GLIS1: variants seen among roughly 807,000 people sequenced by gnomAD.
The protein encoded by GLIS1 is zinc finger protein GLIS1.
In GLIS1, 24 loss-of-function variants were observed where a neutral mutation model predicts 63.8. That is an observed-to-expected ratio of 0.38 (90% CI 0.27 to 0.53). The LOEUF is 0.53. GLIS1 is among the 20% of genes least tolerant of loss of function. The pLI is 0.85. For missense variants in GLIS1, 1,036 were observed against 1,074.1 expected, an observed-to-expected ratio of 0.96 and a Z score of 0.50; for synonymous variants, 450 against 482.5, an observed-to-expected ratio of 0.93 and a Z score of 0.88.
chr1:53,555,061 T>C (rs1168988079), intron 4 of GLIS1, among the ~76,000 whole-genome samples: 1 of 152,294 alleles, frequency 6.6e-6, no homozygotes, highest in African/African-American at 2.4e-5. Flanking sequence ...GGGACTGGCA[T>C]GTTTCAGAAA....
chr1:53,634,379 C>T (rs772785823), intron 2 of GLIS1, among the ~76,000 whole-genome samples: 8 of 152,072 alleles, frequency 5.3e-5, no homozygotes, highest in Non-Finnish European at 1.0e-4. Context: ...ACCCTGAGCT[C>T]GCCAATGTTT....
chr1:53,724,614 G>A (rs1646787520), intron 2 of GLIS1, among the ~76,000 whole-genome samples: 1 of 152,014 alleles, frequency 6.6e-6, no homozygotes. Flanking sequence ...TGAACTCCTG[G>A]GCTCAAGTGA....
At chr1:53,688,164 G>C (rs569496536) in intron 2 of GLIS1, among the ~76,000 whole-genome samples, 44 of 152,364 alleles carry the variant, frequency 2.9e-4, no homozygotes, top group Admixed American at 1.3e-3. Context: ...CCTGATTCAA[G>C]AAGAGCACCT....
intron 2 of GLIS1, among the ~76,000 whole-genome samples, chr1:53,663,991 A>C (rs111281344): frequency 0.02 from 3,032 of 152,194 alleles, 73 homozygotes; most frequent in African/African-American, 0.068. Context: ...TCCCCTCCTG[A>C]CTGCTCTTGC....
chr1:53,526,643 G>A lies in GLIS1; in HGVS notation c.1483-1756C>T, dbSNP rs532258945. 2.0e-5 allele frequency among the ~76,000 whole-genome samples: 3 copies of A among 152,152 alleles called. No individual in the cohort carries two copies. The highest frequency in any genetic ancestry group is 1.9e-4 in the East Asian group (1 of 5,184). Reference sequence around the variant, plus strand: ...TTCACATGTGCCCAGGCACACACACGGCCCTGCCCTGTCCCTGAGCCGGCC... The same window carrying A: ...TTCACATGTGCCCAGGCACACACACAGCCCTGCCCTGTCCCTGAGCCGGCC... On this transcript the variant is annotated intron_variant, in intron 5 of 10. Transcript: ENST00000628545. This position sits in a 1 kb window ranked among gnomAD's most constrained non-coding sequence, Gnocchi z 4.4.
At chr1:53,512,483 A>G (rs1050597494) in intron 8 of GLIS1, among the ~76,000 whole-genome samples, 1 of 152,154 alleles carries the variant, frequency 6.6e-6, no homozygotes, top group Non-Finnish European at 1.5e-5. Context: ...CAAGCTATTT[A>G]AACGTCCCAG....
intron 3 of GLIS1, 114 bp from the exon 4 acceptor site, chr1:53,595,104 G>C (rs893177522): frequency 3.3e-6 from 3 of 899,830 alleles, no homozygotes; most frequent in Non-Finnish European, 1.5e-6. Flanking sequence ...CCCAGGGCAG[G>C]AGGCAGAGGC....
chr1:53,590,265 C>T (rs866851047), intron 4 of GLIS1, among the ~76,000 whole-genome samples: 1 of 152,132 alleles, frequency 6.6e-6, no homozygotes, highest in Non-Finnish European at 1.5e-5. Context: ...GTCACCAGCA[C>T]GAGGTCACAC....
At chr1:53,675,408 C>T (rs561552901) in intron 2 of GLIS1, among the ~76,000 whole-genome samples, 20 of 152,174 alleles carry the variant, frequency 1.3e-4, no homozygotes, top group Non-Finnish European at 2.9e-4. Context: ...GTGCTCTGCT[C>T]GTGCCCTTGC....
At chr1:53,638,216 C>G (rs997360715) in intron 2 of GLIS1, among the ~76,000 whole-genome samples, 5 of 152,182 alleles carry the variant, frequency 3.3e-5, no homozygotes. Flanking sequence ...GAGAAGGCAC[C>G]TCGGGGAAAG....
Position 53,668,484 on chromosome 1 carries a change from C to T in GLIS1, c.260-68206G>A, listed in dbSNP as rs145753860. Among the ~76,000 whole-genome samples the T allele has an allele frequency of 9.2e-3, 1,399 of 152,296 alleles. 15 individuals carry two copies. The highest frequency in any genetic ancestry group is 0.032 in the African/African-American group (1,345 of 41,554). The stretch of plus-strand genomic sequence containing the variant: ...TCAAGCAATTCTCCTGTCTCACCCT[C>T]CCATGTGGCTGAGACTATAGGTGCA... On this transcript the variant is annotated intron_variant, in intron 2 of 10. Transcript: ENST00000628545.
rs1399015996 is a variant in GLIS1 at position 53,539,691 on chromosome 1, C to T, written c.1321-9739G>A. On this transcript the variant is annotated intron_variant, in intron 4 of 10. Transcript: ENST00000628545. The surrounding 1 kb of genome is among the most constrained non-coding windows in gnomAD (Gnocchi z 5.0). ...CCCAGACCTGCCACATTCACAAACA[C>T]ACTAACCCCCACCCACCAGCCACAC... 6.6e-6 allele frequency among the ~76,000 whole-genome samples: 1 copy of T among 152,154 alleles called. No homozygotes were observed. Among genetic ancestry groups the T allele is most frequent in the African/African-American group, 2.4e-5 (1 of 41,412 alleles).
At chr1:53,738,194 C>G (rs973929703) in intron 1 of GLIS1, 88 bp from the exon 2 acceptor site, 1 of 754,830 alleles carries the variant, frequency 1.3e-6, no homozygotes, top group African/African-American at 1.8e-5. Context: ...GTCACTGCCC[C>G]TTCGGTGGAT....
chr1:53,716,286 G>A (rs1410247313), intron 2 of GLIS1, among the ~76,000 whole-genome samples: 1 of 152,276 alleles, frequency 6.6e-6, no homozygotes, highest in East Asian at 1.9e-4. Context: ...AACAACAGGG[G>A]GAGAGGGAGG....
At chr1:53,592,653 C>T (rs575623001) in intron 4 of GLIS1, among the ~76,000 whole-genome samples, 2 of 152,330 alleles carry the variant, frequency 1.3e-5, no homozygotes, top group East Asian at 3.9e-4. Context: ...ACCAGGCCTC[C>T]TTCCAGCATC....
At chr1:53,659,377 C>T (rs1464949415) in intron 2 of GLIS1, among the ~76,000 whole-genome samples, 1 of 152,146 alleles carries the variant, frequency 6.6e-6, no homozygotes, top group East Asian at 1.9e-4. Flanking sequence ...GTGAGATGCC[C>T]ATCACTAGTT....
intron 2 of GLIS1, among the ~76,000 whole-genome samples, chr1:53,688,308 A>T (rs1228421966): frequency 6.6e-6 from 1 of 152,208 alleles, no homozygotes; most frequent in Non-Finnish European, 1.5e-5. Context: ...TAGTCCCTAC[A>T]AAATGTGCTC....
chr1:53,554,748 C>G (rs1442484168), intron 4 of GLIS1, among the ~76,000 whole-genome samples: 1 of 152,210 alleles, frequency 6.6e-6, no homozygotes, highest in Non-Finnish European at 1.5e-5. Flanking sequence ...ATTGGGCCCC[C>G]ACAGCCGGGT....
intron 2 of GLIS1, among the ~76,000 whole-genome samples, chr1:53,681,434 G>A (rs1646273642): frequency 6.6e-6 from 1 of 152,248 alleles, no homozygotes; most frequent in South Asian, 2.1e-4. Context: ...AAGTAGGGAG[G>A]GATATACTGG....
Sources: gnomAD v4.1 joint callset for allele counts (sites outside exome capture counted in the v4.1 genomes callset) on GRCh38, gnomAD v4.1.1 for gene constraint, Gnocchi (gnomAD v3.1) non-coding constraint, MANE v1.5 for transcripts, NCBI Gene and HGNC (gene_info 2026-07-23, HGNC 2026-07-21) for gene names.